Variants in ETF1 observed in about 807,000 individuals in gnomAD.
ETF1 encodes the protein eukaryotic translation termination factor 1, also known as eukaryotic peptide chain release factor subunit 1.
Under a neutral mutation model 55.1 loss-of-function variants are expected in ETF1, and 4 were observed. The observed-to-expected ratio is 0.07, with a 90% CI of 0.04 to 0.17. ETF1 has a LOEUF of 0.17. Among genes scored for constraint, ETF1 ranks in the 10% least tolerant of loss-of-function variants. The probability of loss-of-function intolerance (pLI) is 1.00; values close to 1 mark genes in which losing one functional copy is unlikely to be tolerated. For synonymous variants in ETF1, 157 were observed against 182.3 expected, an observed-to-expected ratio of 0.86 and a Z score of 1.12; for missense variants, 142 against 523.6, an observed-to-expected ratio of 0.27 and a Z score of 7.11.
chr5:138,543,185 C>T lies in ETF1; in HGVS notation c.-107G>A. The stretch of plus-strand genomic sequence containing the variant: ...GGCTCTGACGTAGGACACCGGCTCC[C>T]TCTCTCCAGGCAGCTGCATGTGTTG... On this transcript the variant is annotated 5_prime_UTR_variant, in exon 1 of 11. Transcript: ENST00000360541. 5.3e-6 allele frequency: 3 copies of T among 563,530 alleles called. No homozygotes were observed. The highest frequency in any genetic ancestry group is 3.2e-5 in the Admixed American group (1 of 30,786). The allele number at this position is 563,530 out of a possible 1,614,324, so 34.9% of individuals were successfully genotyped here.
intron 3 of ETF1, among the ~76,000 whole-genome samples, 164 bp downstream of exon 3, chr5:138,518,528 A>G (rs1330939997): frequency 6.6e-6 from 1 of 152,142 alleles, no homozygotes; most frequent in Non-Finnish European, 1.5e-5. Flanking sequence ...AACTTTCAAT[A>G]AACAAAAAAC....
Position 138,542,947 on chromosome 5 carries a change from C to T in ETF1, c.-18-11G>A. The T allele has an allele frequency of 6.2e-7, 1 of 1,611,642 alleles. No homozygotes were observed. Among genetic ancestry groups the T allele is most frequent in the Non-Finnish European group, 8.5e-7 (1 of 1,179,100 alleles). On this transcript the variant is annotated splice_polypyrimidine_tract_variant and intron_variant, in intron 1 of 10. Transcript: ENST00000360541. ...CTCGCCTCCTCCTCCCTAGAGCGGC[C>T]CGGCGGGGCCCGGAGACACCAAGAC... is the stretch of plus-strand genomic sequence containing the variant.
Position 138,512,258 on chromosome 5 carries a change from ATTT to A in ETF1, c.732+503_732+505del, listed in dbSNP as rs58936942. Among the ~76,000 whole-genome samples the A allele has an allele frequency of 7.7e-3, 153 of 19,980 alleles. 3 individuals carry two copies. Among genetic ancestry groups the A allele is most frequent in the African/African-American group, 9.7e-3 (51 of 5,278 alleles). 13.1% of individuals were successfully genotyped at this position (19,980 alleles called of 152,430 possible). A position where few individuals can be genotyped will look rare whatever the true frequency, so the allele number is the denominator to read the frequency against. ...TATATATATATATATATATATATATATTTTTTTTTTTTTTTAAAGGCAATTTCT... is the reference window on the plus strand; with the variant it reads ...TATATATATATATATATATATATATATTTTTTTTTTTTAAAGGCAATTTCT... On this transcript the variant is annotated intron_variant, in intron 6 of 10. Coordinates refer to ENST00000360541, the MANE Select transcript of ETF1 (RefSeq NM_004730.4).
At chr5:138,512,607 G>C in intron 6 of ETF1, 157 bp downstream of exon 6, 1 of 572,736 alleles carries the variant, frequency 1.7e-6, no homozygotes, top group Non-Finnish European at 2.9e-6. Context: ...ACAGGGGAAT[G>C]TTTCCTGATA....
At position 138,512,746 on chromosome 5, in the gene ETF1, C is replaced by G. The variant is rs753462273; in HGVS notation, c.732+18G>C. 6.4e-7 allele frequency: 1 copy of G among 1,563,854 alleles called. No individual in the cohort carries two copies. Among genetic ancestry groups the G allele is most frequent in the Non-Finnish European group, 8.6e-7 (1 of 1,163,084 alleles). ...CTACCTAGGGTCTTACATAATAAAG[C>G]ATCTACTTCTTACTTACCTGATCAA... On this transcript the variant is annotated intron_variant, in intron 6 of 10. Transcript: ENST00000360541.
At chr5:138,516,264 A>G (rs532977546) in intron 4 of ETF1, among the ~76,000 whole-genome samples, 1 of 152,316 alleles carries the variant, frequency 6.6e-6, no homozygotes, top group South Asian at 2.1e-4. Context: ...TATACGCTTG[A>G]GGAAATGGGT....
At chr5:138,541,289 G>A (rs187931847) in intron 2 of ETF1, among the ~76,000 whole-genome samples, 1 of 152,228 alleles carries the variant, frequency 6.6e-6, no homozygotes, top group East Asian at 1.9e-4. Context: ...TCTATCATAC[G>A]GCACAAGTTC....
intron 2 of ETF1, among the ~76,000 whole-genome samples, chr5:138,533,522 C>T (rs563395326): frequency 2.0e-5 from 3 of 152,188 alleles, no homozygotes; most frequent in Non-Finnish European, 4.4e-5. Context: ...CCTGTCTCTA[C>T]TAAAAATACA....
chr5:138,541,420 A>G (rs1408231794), intron 2 of ETF1: 1 of 780,322 alleles, frequency 1.3e-6, no homozygotes, highest in Non-Finnish European at 2.1e-6. Context: ...CGAAGGAGTG[A>G]GCACAAGCCC....
rs536194675 is a variant in ETF1 at position 138,518,807 on chromosome 5, T to G, written c.147A>C (p.Ala49=). The G allele has an allele frequency of 5.6e-6, 9 of 1,614,224 alleles. No individual in the cohort carries two copies. In the South Asian group the frequency reaches 9.9e-5, roughly 18 times the overall value. ...IPPKDQISRV[A]KMLADEFGTA... ...TTCCAAACTCATCCGCTAACATTTT[T>G]GCCACTCGTGAAATCTGGTCTTTGG... The change falls in exon 3 of 11, where the codon GCA becomes GCC. Residue 49 remains alanine, a synonymous_variant. Transcript: ENST00000360541.
chr5:138,541,022 T>C (rs1408937824), intron 2 of ETF1, among the ~76,000 whole-genome samples: 2 of 152,230 alleles, frequency 1.3e-5, no homozygotes, highest in African/African-American at 4.8e-5. Context: ...GAATATAACG[T>C]ATGCAAATTA....
intron 4 of ETF1, among the ~76,000 whole-genome samples, chr5:138,515,427 AAAAAAG>A (rs1207018667): frequency 1.6e-4 from 24 of 152,230 alleles, no homozygotes; most frequent in Non-Finnish European, 2.6e-4. Flanking sequence ...TCAATCTCAG[AAAAAAG>A]AAAAAGAAAA....
At chr5:138,538,858 AT>A (rs1766057525) in intron 2 of ETF1, among the ~76,000 whole-genome samples, 1 of 152,240 alleles carries the variant, frequency 6.6e-6, no homozygotes, top group Non-Finnish European at 1.5e-5. Context: ...GATTTAAAAC[AT>A]TAACCTATTC....
chr5:138,515,841 G>T (rs1764994991), intron 4 of ETF1, among the ~76,000 whole-genome samples: 2 of 152,242 alleles, frequency 1.3e-5, no homozygotes, highest in South Asian at 4.1e-4. Flanking sequence ...TAAGTAGAGT[G>T]TGGTAGTGAA....
At chr5:138,534,320 T>C (rs1412751639) in intron 2 of ETF1, among the ~76,000 whole-genome samples, 2 of 152,078 alleles carry the variant, frequency 1.3e-5, no homozygotes, top group East Asian at 3.9e-4. Context: ...AAAAGAAAAA[T>C]TAAAAGATCT....
rs140763400 is a variant in ETF1 at position 138,517,548 on chromosome 5, T to A, written c.402+13A>T. ...TCTGGAGCGATGAAAATGTTCTGGG[T>A]TTGACTTCTTACCTCTGTATGGAAT... On this transcript the variant is annotated intron_variant, in intron 4 of 10. Transcript: ENST00000360541. The A allele has an allele frequency of 4.6e-3, 7,097 of 1,538,486 alleles. 24 individuals carry two copies. The highest frequency in any genetic ancestry group is 5.5e-3 in the Non-Finnish European group (6,159 of 1,126,200).
intron 3 of ETF1, chr5:138,517,920 T>A (rs572205371): frequency 4.3e-5 from 42 of 984,004 alleles, no homozygotes; most frequent in Middle Eastern, 5.2e-4. Flanking sequence ...GTAAACAGGC[T>A]GGACGTGGTG....
chr5:138,537,801 C>T (rs1456238381), intron 2 of ETF1, among the ~76,000 whole-genome samples: 1 of 151,354 alleles, frequency 6.6e-6, no homozygotes, highest in Non-Finnish European at 1.5e-5. Flanking sequence ...AGGATGGTCT[C>T]GATCTCCTGA....
chr5:138,529,974 C>A (rs913920775), intron 2 of ETF1, among the ~76,000 whole-genome samples: 25 of 152,218 alleles, frequency 1.6e-4, no homozygotes, highest in Non-Finnish European at 7.4e-5. Flanking sequence ...AACTCTTGGG[C>A]CCAAACACTC....
Sources: gnomAD v4.1 joint callset for allele counts (sites outside exome capture counted in the v4.1 genomes callset) on GRCh38, gnomAD v4.1.1 for gene constraint, MANE v1.5 for transcripts, NCBI Gene and HGNC (gene_info 2026-07-23, HGNC 2026-07-21) for gene names.